STPG2: variants seen among roughly 807,000 people sequenced by gnomAD.
The protein encoded by STPG2 is sperm tail PG-rich repeat containing 2.
In STPG2, 56 loss-of-function variants were observed where a neutral mutation model predicts 54.2. The observed-to-expected ratio is 1.03, with a 90% CI of 0.83 to 1.29. The LOEUF is 1.29. STPG2 is among the 50% of genes most tolerant of loss of function. The probability of loss-of-function intolerance (pLI) is 0.00; values close to 1 mark genes in which losing one functional copy is unlikely to be tolerated. For synonymous variants in STPG2, 200 were observed against 181.8 expected (o/e 1.10, Z -0.81); for missense variants, 596 against 544.9 (o/e 1.09, Z -0.93).
At chr4:97,902,075 AAT>A (rs1731197416) in intron 8 of STPG2, among the ~76,000 whole-genome samples, 1 of 152,088 alleles carries the variant, frequency 6.6e-6, no homozygotes, top group Admixed American at 6.6e-5. Flanking sequence ...CTCTTCAATA[AAT>A]AGTCTTGAGA....
intron 7 of STPG2, among the ~76,000 whole-genome samples, chr4:97,951,691 A>G (rs907981522): frequency 6.6e-6 from 1 of 152,018 alleles, no homozygotes; most frequent in South Asian, 2.1e-4. Flanking sequence ...ACTATATCCT[A>G]CGGAGTTGGA....
intron 8 of STPG2, among the ~76,000 whole-genome samples, chr4:97,899,754 T>A (rs1438936828): frequency 3.9e-5 from 6 of 152,036 alleles, no homozygotes; most frequent in Non-Finnish European, 1.5e-5. Flanking sequence ...GGTGCCGGGA[T>A]AACTGGCAGC....
In STPG2 at chr4:97,993,842, A is replaced by G. The variant is rs192341868; in HGVS notation, c.613-12524T>C. 6.8e-4 allele frequency among the ~76,000 whole-genome samples: 103 copies of G among 152,136 alleles called. 2 individuals are homozygous for G. The highest frequency in any genetic ancestry group is 1.1e-3 in the Non-Finnish European group (76 of 67,998). On this transcript the variant is annotated intron_variant, in intron 5 of 10. Coordinates refer to ENST00000295268, the MANE Select transcript of STPG2 (RefSeq NM_174952.3). ...GTTGCCTATTTCCAGGAATTTATCC[A>G]TCTCCTCTAGGTCTTCTAGTTTATG... is the stretch of plus-strand genomic sequence containing the variant.
intron 5 of STPG2, among the ~76,000 whole-genome samples, chr4:98,105,033 A>T (rs972038441): frequency 6.6e-6 from 1 of 152,234 alleles, no homozygotes; most frequent in African/African-American, 2.4e-5. Context: ...CCATACTTCA[A>T]AGACTCATAC....
chr4:97,983,163 G>A (rs1360056560), intron 5 of STPG2, among the ~76,000 whole-genome samples: 2 of 152,046 alleles, frequency 1.3e-5, no homozygotes, highest in African/African-American at 4.8e-5. Context: ...CTAGTCTATT[G>A]AATGTAATGA....
At chr4:97,958,488 T>C (rs1188122891) in intron 7 of STPG2, among the ~76,000 whole-genome samples, 1 of 152,104 alleles carries the variant, frequency 6.6e-6, no homozygotes, top group Non-Finnish European at 1.5e-5. Flanking sequence ...CTCTGCTCCA[T>C]TCAGGAGACT....
chr4:97,459,440 G>GTTTT (rs564314656), intron 4 of STPG2, among the ~76,000 whole-genome samples: 5 of 122,488 alleles, frequency 4.1e-5, no homozygotes, highest in African/African-American at 6.1e-5. Context: ...GTTTTTTTTT[G>GTTTT]TTTTTTTTTT....
chr4:97,446,372 A>G (rs966749453), intron 4 of STPG2, among the ~76,000 whole-genome samples: 1 of 152,234 alleles, frequency 6.6e-6, no homozygotes, highest in Non-Finnish European at 1.5e-5. Flanking sequence ...CCTTGGAGCC[A>G]TAAACACAAC....
chr4:97,722,095 GAA>G (rs1205518616), intron 9 of STPG2, among the ~76,000 whole-genome samples: 2 of 137,060 alleles, frequency 1.5e-5, no homozygotes, highest in Non-Finnish European at 1.6e-5. Flanking sequence ...TCCAGGAGGG[GAA>G]AAAAAAAAAA....
chr4:97,566,024 G>C (rs1732426020), intron 10 of STPG2, among the ~76,000 whole-genome samples: 1 of 152,190 alleles, frequency 6.6e-6, no homozygotes, highest in Non-Finnish European at 1.5e-5. Flanking sequence ...GTTTGTCTGT[G>C]CCCTGACCCC....
intron 9 of STPG2, among the ~76,000 whole-genome samples, chr4:97,807,174 TTAA>T (rs1269321697): frequency 6.6e-6 from 1 of 151,172 alleles, no homozygotes. Flanking sequence ...TTATATTATA[TTAA>T]TAATATAATT....
At chr4:97,564,645 TCA>T (rs1732371669) in intron 10 of STPG2, among the ~76,000 whole-genome samples, 2 of 152,174 alleles carry the variant, frequency 1.3e-5, no homozygotes, top group African/African-American at 4.8e-5. Flanking sequence ...ACAAAATCTC[TCA>T]GTGTTTGCTT....
chr4:97,751,050 G>T (rs948244438), intron 9 of STPG2, among the ~76,000 whole-genome samples: 6 of 151,782 alleles, frequency 4.0e-5, no homozygotes, highest in African/African-American at 1.4e-4. Flanking sequence ...CTCAAACCCT[G>T]CACATTCCCA....
intron 10 of STPG2, among the ~76,000 whole-genome samples, chr4:97,604,526 GA>G (rs1297982138): frequency 6.6e-6 from 1 of 151,690 alleles, no homozygotes; most frequent in East Asian, 1.9e-4. Flanking sequence ...ATTTGACTGA[GA>G]GTCAAAATAT....
rs547002329 is a variant in STPG2, at chr4:97,571,251, C to T, written c.1321-12134G>A. On this transcript the variant is annotated intron_variant, in intron 10 of 10. Coordinates refer to ENST00000295268, the MANE Select transcript of STPG2 (RefSeq NM_174952.3). ...GTGAAATTCAATAGATGATAGCCTT[C>T]GACTGAAACTGGTAGAAGGACTAGT... Among the ~76,000 whole-genome samples, 348 of 152,048 alleles carry T rather than the reference C, an allele frequency of 2.3e-3. 2 individuals carry two copies. The highest frequency in any genetic ancestry group is 3.4e-3 in the Non-Finnish European group (229 of 67,976).
At chr4:98,102,417 T>C (rs774773382) in intron 5 of STPG2, among the ~76,000 whole-genome samples, 1 of 152,230 alleles carries the variant, frequency 6.6e-6, no homozygotes. Context: ...AGAGATTATA[T>C]GACCCACGAA....
intron 4 of STPG2, among the ~76,000 whole-genome samples, chr4:97,476,390 T>C (rs1219166895): frequency 6.6e-6 from 1 of 152,298 alleles, no homozygotes; most frequent in South Asian, 2.1e-4. Flanking sequence ...CTTGTTCAAC[T>C]GACTTTGCAA....
At chr4:97,781,962 C>G (rs1726642606) in intron 9 of STPG2, among the ~76,000 whole-genome samples, 3 of 152,078 alleles carry the variant, frequency 2.0e-5, no homozygotes. Context: ...TATAACAAAC[C>G]CACAGCCAAT....
intron 10 of STPG2, among the ~76,000 whole-genome samples, chr4:97,642,984 A>T (rs1721806747): frequency 6.6e-6 from 1 of 151,546 alleles, no homozygotes. Flanking sequence ...AAATGCCTAG[A>T]CCAGAATACT....
Sources: gnomAD v4.1 joint callset for allele counts (sites outside exome capture counted in the v4.1 genomes callset) on GRCh38, gnomAD v4.1.1 for gene constraint, MANE v1.5 for transcripts, NCBI Gene and HGNC (gene_info 2026-07-23, HGNC 2026-07-21) for gene names.